Variants in SYNPR observed in about 807,000 individuals in gnomAD.
SYNPR encodes the protein synaptoporin.
Under a neutral mutation model 32.9 loss-of-function variants are expected in SYNPR, and 23 were observed. That is an observed-to-expected ratio of 0.70 (90% confidence interval 0.50 to 0.99). SYNPR has a LOEUF of 0.99. Among genes scored for constraint, SYNPR ranks in the 50% least tolerant of loss-of-function variants. The pLI is 0.00. For missense variants in SYNPR, 318 were observed against 349.3 expected (o/e 0.91, Z 0.71); for synonymous variants, 146 against 135.9 (o/e 1.07, Z -0.52).
intron 2 of SYNPR, among the ~76,000 whole-genome samples, chr3:63,422,268 T>G (rs1351176186): frequency 2.0e-5 from 3 of 152,222 alleles, no homozygotes; most frequent in Non-Finnish European, 4.4e-5. Context: ...CATTGCTATG[T>G]GTTCTCCCTT....
At chr3:63,328,940 G>A (rs886451878) in intron 2 of SYNPR, among the ~76,000 whole-genome samples, 7 of 152,198 alleles carry the variant, frequency 4.6e-5, no homozygotes, top group South Asian at 4.1e-4. Flanking sequence ...ACTAGTCATC[G>A]CACAATATGT....
At chr3:63,483,557 A>G (rs1701087562) in intron 3 of SYNPR, among the ~76,000 whole-genome samples, 1 of 152,184 alleles carries the variant, frequency 6.6e-6, no homozygotes, top group African/African-American at 2.4e-5. Context: ...TTAACTCTAC[A>G]TACTTGAGTA....
At chr3:63,433,188 T>C (rs1305609595) in intron 2 of SYNPR, among the ~76,000 whole-genome samples, 1 of 152,294 alleles carries the variant, frequency 6.6e-6, no homozygotes, top group Admixed American at 6.5e-5. Context: ...CAAGTGGCGC[T>C]ACAGCCCCTT....
At chr3:63,278,249 G>A (rs1287995321), upstream of SYNPR, 4 of 402,440 alleles carry the variant, frequency 9.9e-6, no homozygotes, top group Non-Finnish European at 1.8e-5. Context: ...GCCTTCCCCT[G>A]GCTCCATGGG....
At chr3:63,409,880 A>C (rs1393451529) in intron 2 of SYNPR, among the ~76,000 whole-genome samples, 3 of 152,118 alleles carry the variant, frequency 2.0e-5, no homozygotes, top group Non-Finnish European at 4.4e-5. Context: ...GAAGTGACAG[A>C]CGTCACATCA....
chr3:63,258,781 G>A (rs182003853), intron 2 of SYNPR, among the ~76,000 whole-genome samples: 1 of 152,274 alleles, frequency 6.6e-6, no homozygotes. Flanking sequence ...AATGAATCCA[G>A]GAGCTGGTTT....
At chr3:63,518,613 C>T (rs546458613) in intron 3 of SYNPR, among the ~76,000 whole-genome samples, 22 of 152,298 alleles carry the variant, frequency 1.4e-4, no homozygotes, top group African/African-American at 4.6e-4. Flanking sequence ...TAGCCCTATA[C>T]CTGCCAGCTG....
chr3:63,471,573 A>G (rs1002938510), intron 2 of SYNPR, among the ~76,000 whole-genome samples: 1 of 152,250 alleles, frequency 6.6e-6, no homozygotes, highest in Non-Finnish European at 1.5e-5. Context: ...CTTTAGAGGC[A>G]TTCATCTGTC....
At chr3:63,344,107 A>G (rs1008415384) in intron 2 of SYNPR, among the ~76,000 whole-genome samples, 1 of 152,222 alleles carries the variant, frequency 6.6e-6, no homozygotes, top group African/African-American at 2.4e-5. Flanking sequence ...CACATTGTCT[A>G]GCTCAGTTTA....
intron 2 of SYNPR, among the ~76,000 whole-genome samples, chr3:63,311,621 T>C (rs2086965000): frequency 2.6e-5 from 4 of 152,090 alleles, no homozygotes; most frequent in Non-Finnish European, 5.9e-5. Context: ...TCGTCTTCCA[T>C]GAAACCAGTC....
At chr3:63,450,924 T>A (rs959804982) in intron 2 of SYNPR, among the ~76,000 whole-genome samples, 2 of 152,166 alleles carry the variant, frequency 1.3e-5, no homozygotes, top group Non-Finnish European at 2.9e-5. Context: ...AGTATATTGC[T>A]CTGGCAGCAT....
intron 2 of SYNPR, among the ~76,000 whole-genome samples, chr3:63,391,983 C>A (rs189223486): frequency 6.6e-6 from 1 of 152,314 alleles, no homozygotes; most frequent in East Asian, 1.9e-4. Context: ...AGCTGCGCAA[C>A]CTCTTCTCAG....
At chr3:63,405,262 C>A (rs1469319128) in intron 2 of SYNPR, among the ~76,000 whole-genome samples, 1 of 152,128 alleles carries the variant, frequency 6.6e-6, no homozygotes, top group Non-Finnish European at 1.5e-5. Context: ...GTAAACCATG[C>A]AATGAGTGGT....
intron 1 of SYNPR, among the ~76,000 whole-genome samples, chr3:63,248,570 T>C (rs1560167809): frequency 6.6e-6 from 1 of 152,168 alleles, no homozygotes; most frequent in Non-Finnish European, 1.5e-5. Context: ...AAATTAATCA[T>C]GCAGTTGGTA....
intron 5 of SYNPR, among the ~76,000 whole-genome samples, chr3:63,614,174 G>A (rs146566331): frequency 2.6e-5 from 4 of 152,184 alleles, no homozygotes; most frequent in Non-Finnish European, 5.9e-5. Context: ...TCAGCGTCAC[G>A]CTAGGGGGTG....
chr3:63,440,473 T>C (rs558039640), intron 2 of SYNPR, among the ~76,000 whole-genome samples: 1 of 152,150 alleles, frequency 6.6e-6, no homozygotes, highest in South Asian at 2.1e-4. Flanking sequence ...GTAATAGAGA[T>C]TTCTAGGGGT....
chr3:63,457,848 A>G (rs1700512306), intron 2 of SYNPR, among the ~76,000 whole-genome samples: 3 of 152,150 alleles, frequency 2.0e-5, no homozygotes, highest in Admixed American at 1.3e-4. Flanking sequence ...GTAAGACTAC[A>G]TGATTACCTT....
upstream of SYNPR, among the ~76,000 whole-genome samples, chr3:63,225,081 G>GAAGTTTCACCT (rs1366010128): frequency 6.6e-6 from 1 of 152,198 alleles, no homozygotes; most frequent in Admixed American, 6.5e-5. Flanking sequence ...TCCCCTGGCA[G>GAAGTTTCACCT]AAGTTTCACC....
intron 2 of SYNPR, among the ~76,000 whole-genome samples, chr3:63,402,619 C>A (rs1300770298): frequency 5.9e-5 from 9 of 152,126 alleles, no homozygotes; most frequent in South Asian, 2.1e-4. Context: ...ATGAAGGAAG[C>A]AGTGGGAGTG....
Sources: gnomAD v4.1 joint callset for allele counts (sites outside exome capture counted in the v4.1 genomes callset) on GRCh38, gnomAD v4.1.1 for gene constraint, MANE v1.5 for transcripts, NCBI Gene and HGNC (gene_info 2026-07-23, HGNC 2026-07-21) for gene names.